ARB2A: variants seen among roughly 807,000 people sequenced by gnomAD.
ARB2A encodes the protein ARB2 cotranscriptional regulator A.
At chr5:93,728,152 A>G in the ARB2A span, among the ~76,000 whole-genome samples, 1 of 152,128 alleles carries the variant, frequency 6.6e-6, no homozygotes, top group South Asian at 2.1e-4. Context: ...ATAGTTTTCA[A>G]TAATTCTTAC....
chr5:93,965,633 T>C, the ARB2A span, among the ~76,000 whole-genome samples: 1 of 152,076 alleles, frequency 6.6e-6, no homozygotes, highest in Non-Finnish European at 1.5e-5. Flanking sequence ...ATGGTACTAA[T>C]GGTCATTTTA....
At chr5:93,823,932 C>T in the ARB2A span, among the ~76,000 whole-genome samples, 2 of 151,276 alleles carry the variant, frequency 1.3e-5, no homozygotes, top group East Asian at 1.9e-4. Context: ...TCTAGCCTGG[C>T]GACAGAGACT....
the ARB2A span, among the ~76,000 whole-genome samples, chr5:93,714,688 T>G: frequency 6.6e-6 from 1 of 152,122 alleles, no homozygotes; most frequent in African/African-American, 2.4e-5. Flanking sequence ...AGGCATGAAA[T>G]TTCAGGTAAA....
At chr5:93,772,344 A>G in the ARB2A span, among the ~76,000 whole-genome samples, 2 of 152,172 alleles carry the variant, frequency 1.3e-5, no homozygotes, top group African/African-American at 2.4e-5. Flanking sequence ...TTTAGGAGAT[A>G]TACCTAATGC....
At chr5:94,052,596 A>G in the ARB2A span, among the ~76,000 whole-genome samples, 1 of 152,202 alleles carries the variant, frequency 6.6e-6, no homozygotes. Flanking sequence ...TGTTCCAGAA[A>G]CATCCTTGCA....
chr5:94,048,051 C>CTTTTTTTTTTTTTTTTTTTTTTTTT, the ARB2A span, among the ~76,000 whole-genome samples: 9 of 96,078 alleles, frequency 9.4e-5, 3 homozygotes, highest in African/African-American at 3.6e-4. Context: ...AATCGGTAAG[C>CTTTTTTTTTTTTTTTTTTTTTTTTT]TTTTTTTTTT....
the ARB2A span, among the ~76,000 whole-genome samples, chr5:93,624,049 G>T: frequency 6.6e-6 from 1 of 152,126 alleles, no homozygotes; most frequent in Admixed American, 6.5e-5. Context: ...AATGTTCAGT[G>T]AATGGAAACT....
At chr5:93,862,999 G>A in the ARB2A span, 1 of 151,918 alleles carries the variant, frequency 6.6e-6, no homozygotes, top group Non-Finnish European at 1.5e-5. Flanking sequence ...TAGAAGTAAG[G>A]GCCTGGAGAG....
the ARB2A span, among the ~76,000 whole-genome samples, chr5:93,723,829 A>G: frequency 2.0e-5 from 3 of 152,036 alleles, no homozygotes; most frequent in Non-Finnish European, 4.4e-5. Context: ...CTAAGATTCC[A>G]TGGAGTTGTG....
the ARB2A span, among the ~76,000 whole-genome samples, chr5:94,089,193 T>G: frequency 1.3e-5 from 2 of 152,212 alleles, no homozygotes; most frequent in Non-Finnish European, 2.9e-5. Flanking sequence ...TGACAAATGC[T>G]GAAAATACTG....
the ARB2A span, among the ~76,000 whole-genome samples, chr5:93,942,657 T>C: frequency 1.1e-4 from 17 of 151,608 alleles, no homozygotes; most frequent in Non-Finnish European, 2.2e-4. Flanking sequence ...TCATATTTCA[T>C]GACTATTTAA....
chr5:94,088,579 G>C, the ARB2A span, among the ~76,000 whole-genome samples: 3 of 152,084 alleles, frequency 2.0e-5, no homozygotes, highest in South Asian at 6.2e-4. Flanking sequence ...TACTTGGGAG[G>C]GTGAGGCAGC....
the ARB2A span, chr5:93,739,996 G>GAAAAA: frequency 1.6e-5 from 1 of 62,912 alleles, no homozygotes. Flanking sequence ...AGGTAAATCA[G>GAAAAA]AAAAAAAAAA....
At chr5:93,875,219 A>C in the ARB2A span, among the ~76,000 whole-genome samples, 77 of 151,478 alleles carry the variant, frequency 5.1e-4, no homozygotes, top group Non-Finnish European at 1.0e-3. Context: ...TGGAATTCAA[A>C]CTCAGGTCTA....
the ARB2A span, among the ~76,000 whole-genome samples, chr5:93,821,756 T>C: frequency 6.6e-6 from 1 of 152,112 alleles, no homozygotes; most frequent in African/African-American, 2.4e-5. Flanking sequence ...TTAATCAAAT[T>C]TGTCAAAAAA....
chr5:93,854,178 A>G, the ARB2A span, among the ~76,000 whole-genome samples: 1 of 152,140 alleles, frequency 6.6e-6, no homozygotes, highest in Admixed American at 6.5e-5. Context: ...TTCCTGATTT[A>G]GTCTTGGGAG....
At chr5:94,100,371 A>C in the ARB2A span, among the ~76,000 whole-genome samples, 3 of 152,236 alleles carry the variant, frequency 2.0e-5, no homozygotes, top group Non-Finnish European at 4.4e-5. Flanking sequence ...GCCCAAAGCA[A>C]TCTATAGATT....
chr5:93,906,115 T>G, the ARB2A span, among the ~76,000 whole-genome samples: 1 of 151,540 alleles, frequency 6.6e-6, no homozygotes, highest in Non-Finnish European at 1.5e-5. Context: ...AAGTCTTTTC[T>G]GTTTTACATT....
the ARB2A span, among the ~76,000 whole-genome samples, chr5:94,047,788 G>A: frequency 6.6e-6 from 1 of 152,164 alleles, no homozygotes; most frequent in African/African-American, 2.4e-5. Flanking sequence ...CATAGCTGGA[G>A]TTTAACATAG....
Sources: allele counts gnomAD v4.1 joint callset (sites outside exome capture counted in the v4.1 genomes callset), GRCh38; gene constraint gnomAD v4.1.1; transcripts MANE v1.5; gene names NCBI Gene and HGNC (gene_info 2026-07-23, HGNC 2026-07-21).